Variants in ASH2L observed in about 807,000 individuals in gnomAD.
ASH2L encodes the protein set1/Ash2 histone methyltransferase complex subunit ASH2.
A neutral mutation model predicts 81.1 loss-of-function variants in ASH2L; 30 were observed. The observed-to-expected ratio is 0.37, with a 90% CI of 0.28 to 0.50. The LOEUF is 0.50. Ranked by LOEUF, ASH2L falls within the 20% of genes least tolerant of loss-of-function variation. ASH2L has a pLI of 0.95. For missense variants in ASH2L, 559 were observed against 792.1 expected, an observed-to-expected ratio of 0.71 and a Z score of 3.53; for synonymous variants, 273 against 279.9, an observed-to-expected ratio of 0.98 and a Z score of 0.24.
chr8:38,105,953 T>G (rs1029664415), intron 1 of ASH2L: 2 of 1,512,950 alleles, frequency 1.3e-6, no homozygotes, highest in African/African-American at 1.4e-5. Context: ...CTGAGGCTCC[T>G]GTCGTTATCT....
At chr8:38,135,384 G>A (rs1270016037) in intron 13 of ASH2L, among the ~76,000 whole-genome samples, 2 of 152,036 alleles carry the variant, frequency 1.3e-5, no homozygotes, top group East Asian at 3.9e-4. Context: ...AGGAGGTTGA[G>A]GCTGCAGTGA....
Position 38,139,494 on chromosome 8 carries a change from G to T in ASH2L, c.*423G>T, listed in dbSNP as rs934777834. On this transcript the variant is annotated 3_prime_UTR_variant, in exon 16 of 16. Transcript: ENST00000343823. ...CAAGGAAATGGTAACCTGTTTCTGAGAACACCTGAAATCAATGGCTATACA... is the reference window on the plus strand; with the variant it reads ...CAAGGAAATGGTAACCTGTTTCTGATAACACCTGAAATCAATGGCTATACA... 6.4e-6 allele frequency: 1 copy of T among 156,822 alleles called. No individual in the cohort carries two copies. The highest frequency in any genetic ancestry group is 1.4e-5 in the Non-Finnish European group (1 of 70,820). 9.7% of individuals were successfully genotyped at this position (156,822 alleles called of 1,614,324 possible).
intron 12 of ASH2L, among the ~76,000 whole-genome samples, chr8:38,132,258 TAGAA>T (rs1802091754): frequency 1.3e-5 from 2 of 152,208 alleles, no homozygotes; most frequent in Admixed American, 6.5e-5. Flanking sequence ...ATAAGGGACA[TAGAA>T]AGAGAGACTC....
chr8:38,115,067 GT>G (rs2130498200), intron 7 of ASH2L, 67 bp downstream of exon 7: 1 of 1,042,984 alleles, frequency 9.6e-7, no homozygotes, highest in Non-Finnish European at 1.5e-6. Flanking sequence ...ATCAGGTTCT[GT>G]TTACATTTGT....
chr8:38,138,679 A>T, intron 14 of ASH2L, 137 bp from the exon 15 acceptor site: 1 of 655,630 alleles, frequency 1.5e-6, no homozygotes, highest in Non-Finnish European at 2.7e-6. Flanking sequence ...AGTAATATTT[A>T]ATATATATCT....
chr8:38,120,814 T>C, intron 9 of ASH2L, 118 bp from the exon 10 acceptor site: 1 of 769,362 alleles, frequency 1.3e-6, no homozygotes, highest in South Asian at 1.7e-5. Flanking sequence ...TGAGAAGTAT[T>C]TGCTGTGAAG....
Position 38,105,584 on chromosome 8 carries a change from G to A in ASH2L, c.34G>A (p.Ala12Thr), listed in dbSNP as rs1563247749. 1 of 1,589,402 alleles carries A rather than the reference G, an allele frequency of 6.3e-7. No individual in the cohort carries two copies. Among genetic ancestry groups the A allele is most frequent in the Non-Finnish European group, 8.6e-7 (1 of 1,167,012 alleles). Residue 12 changes from alanine (A) to threonine (T), a missense_variant, in exon 1 of 16, where the codon GCG (alanine) becomes ACG (threonine). Around this residue, in one of 4 missense-constraint regions of ASH2L, gnomAD observed 145 missense variants for 115.5 expected, o/e 1.26. Transcript: ENST00000343823. ...GGCAGGAGCAGGACCTGGCCAGGAA[G>A]CGGGTGCCGGGCCTGGCCCAGGAGC... ...AAAGAGPGQE[A>T]GAGPGPGAVA...
chr8:38,116,051 ACT>A (rs1189411721), intron 7 of ASH2L, among the ~76,000 whole-genome samples: 1 of 151,958 alleles, frequency 6.6e-6, no homozygotes, highest in African/African-American at 2.4e-5. Flanking sequence ...ACACAGCGAA[ACT>A]CTATCTCTAG....
intron 5 of ASH2L, among the ~76,000 whole-genome samples, chr8:38,113,638 T>C (rs1425574324): frequency 1.3e-5 from 2 of 152,162 alleles, no homozygotes; most frequent in African/African-American, 2.4e-5. Flanking sequence ...TAAAATTTAT[T>C]TGGTGAGCAT....
rs1563248482 is a variant in ASH2L at position 38,106,398 on chromosome 8, T to A, written c.209T>A (p.Val70Glu). 1 of 1,614,154 alleles carries A rather than the reference T, an allele frequency of 6.2e-7. No individual in the cohort carries two copies. The highest frequency in any genetic ancestry group is 1.7e-5 in the Admixed American group (1 of 60,018). Reference sequence around the variant, plus strand: ...TATAGGGAGGCAAACTTGGTCGATGTAAGCGGTGGCTTGGAGACAGAATCA... The same window carrying A: ...TATAGGGAGGCAAACTTGGTCGATGAAAGCGGTGGCTTGGAGACAGAATCA... ...AEGGEANLVD[V>E]SGGLETESSN... The change falls in exon 2 of 16, where the codon GTA becomes GAA. Residue 70 changes from valine (V) to glutamate (E), a missense_variant. Val to Glu is a moderately radical substitution (Grantham distance 121, BLOSUM62 -2). Transcript: ENST00000343823.
At chr8:38,110,703 T>C (rs2130481251) in intron 4 of ASH2L, 36 bp from the exon 5 acceptor site, 2 of 1,532,294 alleles carry the variant, frequency 1.3e-6, no homozygotes, top group East Asian at 2.2e-5. Context: ...GATGTAGTAC[T>C]ACAGATAACT....
At chr8:38,137,507 G>C (rs1055043311) in intron 14 of ASH2L, 7 of 152,202 alleles carry the variant, frequency 4.6e-5, no homozygotes, top group African/African-American at 1.7e-4. Context: ...AGCTTGCAGT[G>C]AGCCGAGATT....
intron 3 of ASH2L, among the ~76,000 whole-genome samples, chr8:38,107,987 T>G (rs1373823706): frequency 6.6e-6 from 1 of 151,316 alleles, no homozygotes; most frequent in East Asian, 1.9e-4. Flanking sequence ...CAGGCTGGAG[T>G]GCAATGGCAG....
intron 12 of ASH2L, among the ~76,000 whole-genome samples, chr8:38,132,796 C>CAA (rs35293220): frequency 4.6e-5 from 6 of 130,552 alleles, no homozygotes; most frequent in Admixed American, 1.6e-4. Context: ...GAGACTGTCT[C>CAA]AAAAAAAAAA....
In ASH2L at chr8:38,133,438, T is replaced by A. The variant is rs1802139790; in HGVS notation, c.1528-16T>A. On this transcript the variant is annotated splice_polypyrimidine_tract_variant and intron_variant, in intron 12 of 15. Transcript: ENST00000343823. Reference sequence around the variant, plus strand: ...TGATGCTTTATTGTGCCTTTTTTTCTTTCTTGGTTTTCAAGGCTTTGATAA... The same window carrying A: ...TGATGCTTTATTGTGCCTTTTTTTCATTCTTGGTTTTCAAGGCTTTGATAA... 6.3e-7 allele frequency: 1 copy of A among 1,583,782 alleles called. No homozygotes were observed. The highest frequency in any genetic ancestry group is 1.7e-5 in the Admixed American group (1 of 58,184).
intron 13 of ASH2L, among the ~76,000 whole-genome samples, chr8:38,135,052 TA>T (rs779445510): frequency 6.1e-3 from 884 of 144,598 alleles, no homozygotes; most frequent in Non-Finnish European, 5.4e-3. Context: ...CAGCTTACTT[TA>T]AAAAAAAAAA....
At chr8:38,116,842 A>T in intron 8 of ASH2L, 117 bp downstream of exon 8, 2 of 843,910 alleles carry the variant, frequency 2.4e-6, no homozygotes, top group Non-Finnish European at 3.6e-6. Context: ...AAATGCTTTT[A>T]TAGTTCAAAC....
intron 12 of ASH2L, among the ~76,000 whole-genome samples, chr8:38,130,084 T>C (rs1315452457): frequency 6.6e-6 from 1 of 152,200 alleles, no homozygotes; most frequent in Non-Finnish European, 1.5e-5. Flanking sequence ...TGTGTAGTAG[T>C]ATCTCATTGT....
chr8:38,126,281 C>T (rs747857652), intron 10 of ASH2L, among the ~76,000 whole-genome samples: 5 of 151,738 alleles, frequency 3.3e-5, no homozygotes, highest in Admixed American at 6.6e-5. Flanking sequence ...CAATATTCTT[C>T]AAAGTGTCAA....
Sources: allele counts gnomAD v4.1 joint callset (sites outside exome capture counted in the v4.1 genomes callset), GRCh38; gene constraint gnomAD v4.1.1; regional missense constraint gnomAD v4.1.1; transcripts MANE v1.5; gene names NCBI Gene and HGNC (gene_info 2026-07-23, HGNC 2026-07-21).